Variants in ZC3H12B observed in about 807,000 individuals in gnomAD.
The protein encoded by ZC3H12B is probable ribonuclease ZC3H12B.
Under a neutral mutation model 43.9 loss-of-function variants are expected in ZC3H12B, and 7 were observed. That is an observed-to-expected ratio of 0.16 (90% CI 0.09 to 0.30). The LOEUF (loss-of-function observed/expected upper bound fraction) is 0.30, where lower values mean the gene tolerates loss of function less well. Ranked by LOEUF, ZC3H12B falls within the 10% of genes least tolerant of loss-of-function variation. The pLI, the probability that ZC3H12B is intolerant of heterozygous loss-of-function variation, is 1.00. For missense variants in ZC3H12B, 475 were observed against 670.2 expected, an observed-to-expected ratio of 0.71 and a Z score of 3.22; for synonymous variants, 222 against 241.7, an observed-to-expected ratio of 0.92 and a Z score of 0.76.
chrX:65,143,113 A>G, the ZC3H12B span, among the ~76,000 whole-genome samples: 1 of 111,442 alleles, frequency 9.0e-6, no homozygotes, highest in African/African-American at 3.3e-5. Flanking sequence ...TTTTCACAAT[A>G]TTAATTCTAC....
At chrX:65,437,249 A>G (rs59889164) in intron 3 of ZC3H12B, among the ~76,000 whole-genome samples, 9,209 of 110,886 alleles carry the variant, frequency 0.083, 1,030 homozygotes, top group African/African-American at 0.29. Flanking sequence ...ACCACATCCA[A>G]CTCATTCTAA....
chrX:65,390,481 A>G (rs962723287), intron 2 of ZC3H12B, among the ~76,000 whole-genome samples: 1 of 111,642 alleles, frequency 9.0e-6, no homozygotes, highest in African/African-American at 3.3e-5. Flanking sequence ...AGAGGCAATG[A>G]CCATAATTAT....
At chrX:65,101,034 TAACA>T in the ZC3H12B span, among the ~76,000 whole-genome samples, 32 of 111,879 alleles carry the variant, frequency 2.9e-4, no homozygotes, top group South Asian at 0.012. Context: ...ATGGAAATTA[TAACA>T]AACAGTCTCT....
chrX:65,206,234 G>A, the ZC3H12B span, among the ~76,000 whole-genome samples: 1 of 111,927 alleles, frequency 8.9e-6, no homozygotes, highest in Non-Finnish European at 1.9e-5. Flanking sequence ...AACAAATCTG[G>A]AGGTATCACA....
chrX:65,037,494 A>G, the ZC3H12B span, among the ~76,000 whole-genome samples: 7 of 112,176 alleles, frequency 6.2e-5, no homozygotes, highest in Non-Finnish European at 9.4e-5. Flanking sequence ...TACATACTAA[A>G]TTAACAAATT....
chrX:65,422,698 T>C (rs2067033331), intron 3 of ZC3H12B, among the ~76,000 whole-genome samples: 1 of 110,120 alleles, frequency 9.1e-6, no homozygotes, highest in African/African-American at 3.3e-5. Flanking sequence ...CCCTCACTCC[T>C]GACAGGCCCT....
At chrX:65,270,361 A>T in the ZC3H12B span, among the ~76,000 whole-genome samples, 1 of 111,925 alleles carries the variant, frequency 8.9e-6, no homozygotes, top group Non-Finnish European at 1.9e-5. Context: ...CCCTTAACTT[A>T]CAACATACAC....
At chrX:65,371,430 AG>A (rs763620211) in intron 2 of ZC3H12B, among the ~76,000 whole-genome samples, 9 of 111,622 alleles carry the variant, frequency 8.1e-5, no homozygotes, top group South Asian at 3.8e-4. Flanking sequence ...TTCTAAGCCC[AG>A]TTTTTTTTTC....
upstream of ZC3H12B, chrX:65,488,642 G>C: frequency 1.8e-6 from 1 of 553,903 alleles, no homozygotes; most frequent in Non-Finnish European, 2.7e-6. Flanking sequence ...GTGTTTATTT[G>C]TAGGGACTGA....
the ZC3H12B span, among the ~76,000 whole-genome samples, chrX:65,228,307 G>C: frequency 9.0e-6 from 1 of 111,690 alleles, no homozygotes; most frequent in Non-Finnish European, 1.9e-5. Flanking sequence ...AATAGATGCA[G>C]AAAAGGCCTT....
chrX:65,170,845 A>T, the ZC3H12B span, among the ~76,000 whole-genome samples: 4 of 111,978 alleles, frequency 3.6e-5, no homozygotes, highest in South Asian at 1.1e-3. Flanking sequence ...AAGCTTGTGC[A>T]TGCGTCACCT....
chrX:65,091,097 C>T, the ZC3H12B span, among the ~76,000 whole-genome samples: 1 of 111,455 alleles, frequency 9.0e-6, no homozygotes, highest in Admixed American at 9.6e-5. Context: ...ATAAATTATC[C>T]ACTCTCAGGT....
chrX:65,130,969 CT>C, the ZC3H12B span, among the ~76,000 whole-genome samples: 1 of 111,950 alleles, frequency 8.9e-6, no homozygotes, highest in Non-Finnish European at 1.9e-5. Flanking sequence ...GTAAAGTGGT[CT>C]TGAGAAGAGC....
At chrX:65,450,709 GTATATGTATACATATGTGTATATA>G (rs1569413125) in intron 3 of ZC3H12B, among the ~76,000 whole-genome samples, 2 of 19,224 alleles carry the variant, frequency 1.0e-4, no homozygotes, top group Non-Finnish European at 6.9e-5. Flanking sequence ...GTGTATATAT[GTATATGTATACATATGTGTATATA>G]TGTATATATA....
the ZC3H12B span, among the ~76,000 whole-genome samples, chrX:65,215,322 G>C: frequency 9.0e-6 from 1 of 111,685 alleles, no homozygotes; most frequent in Non-Finnish European, 1.9e-5. Flanking sequence ...TATTCAAATA[G>C]AAGACAGTTT....
the ZC3H12B span, among the ~76,000 whole-genome samples, chrX:65,250,868 T>G: frequency 1.8e-5 from 2 of 111,687 alleles, no homozygotes; most frequent in African/African-American, 6.5e-5. Flanking sequence ...TTGCAAAAAT[T>G]TTCTCCCATT....
the ZC3H12B span, among the ~76,000 whole-genome samples, chrX:65,133,101 A>G: frequency 9.0e-6 from 1 of 111,199 alleles, no homozygotes; most frequent in African/African-American, 3.3e-5. Context: ...TTGAAGCAAG[A>G]TCCTCGGGCA....
At chrX:65,264,974 G>A in the ZC3H12B span, among the ~76,000 whole-genome samples, 39 of 111,683 alleles carry the variant, frequency 3.5e-4, 1 homozygote, top group Non-Finnish European at 5.8e-4. Context: ...TTAGGGAGGA[G>A]AAATAGTCAC....
chrX:65,091,921 G>A, the ZC3H12B span, among the ~76,000 whole-genome samples: 4 of 112,267 alleles, frequency 3.6e-5, no homozygotes, highest in Non-Finnish European at 5.6e-5. Context: ...CAAATCTAAT[G>A]TTCAAATGTA....
Sources: allele counts gnomAD v4.1 joint callset (sites outside exome capture counted in the v4.1 genomes callset), GRCh38; gene constraint gnomAD v4.1.1; transcripts MANE v1.5; gene names NCBI Gene and HGNC (gene_info 2026-07-23, HGNC 2026-07-21).